The following STK39 variants were observed in gnomAD, a reference collection of about 807,000 sequenced individuals.
The protein encoded by STK39 is serine/threonine kinase 39, also known as STE20/SPS1-related proline-alanine-rich protein kinase.
Under a neutral mutation model 77.8 loss-of-function variants are expected in STK39, and 20 were observed. That is an observed-to-expected ratio of 0.26 (90% CI 0.18 to 0.37). The LOEUF is 0.37. STK39 is among the 10% of genes least tolerant of loss of function. The pLI is 1.00. For missense variants in STK39, 479 were observed against 656.5 expected (o/e 0.73, Z 2.95); for synonymous variants, 246 against 234.1 (o/e 1.05, Z -0.47).
intron 16 of STK39, among the ~76,000 whole-genome samples, chr2:167,994,918 T>C (rs749860682): frequency 5.3e-5 from 8 of 151,896 alleles, no homozygotes; most frequent in Non-Finnish European, 1.0e-4. Flanking sequence ...AGAATAACAG[T>C]AAATTGGGTA....
intron 1 of STK39, among the ~76,000 whole-genome samples, chr2:168,224,040 T>C (rs1176906505): frequency 6.6e-6 from 1 of 152,238 alleles, no homozygotes; most frequent in Admixed American, 6.5e-5. Context: ...AACACACAAA[T>C]ATATCTTTTG....
intron 16 of STK39, among the ~76,000 whole-genome samples, chr2:167,983,944 C>T (rs9287889): frequency 0.55 from 84,252 of 151,912 alleles, 24,633 homozygotes; most frequent in African/African-American, 0.67. Context: ...CATTTTATCA[C>T]GAGAAAGCTT....
chr2:168,099,637 T>C (rs560723642), intron 10 of STK39, among the ~76,000 whole-genome samples: 55 of 152,348 alleles, frequency 3.6e-4, no homozygotes, highest in African/African-American at 1.2e-3. Context: ...ATTCATACAC[T>C]TCTTAACACC....
At chr2:168,053,062 G>A (rs1378331299) in intron 14 of STK39, among the ~76,000 whole-genome samples, 1 of 152,230 alleles carries the variant, frequency 6.6e-6, no homozygotes, top group Non-Finnish European at 1.5e-5. Flanking sequence ...AAGTCTAAGA[G>A]CATTTCACTA....
At chr2:168,009,974 TG>T (rs933105157) in intron 16 of STK39, among the ~76,000 whole-genome samples, 90 of 152,262 alleles carry the variant, frequency 5.9e-4, no homozygotes, top group African/African-American at 2.1e-3. Flanking sequence ...TAGCTGAGCC[TG>T]GGGCAAAAAA....
At chr2:167,995,032 T>C (rs1450017591) in intron 16 of STK39, among the ~76,000 whole-genome samples, 2 of 151,754 alleles carry the variant, frequency 1.3e-5, no homozygotes, top group Non-Finnish European at 2.9e-5. Flanking sequence ...AAGTCTACAG[T>C]ATTTTACACT....
chr2:168,242,596 T>TATATATATATATATATATAA (rs1690796732), intron 1 of STK39, among the ~76,000 whole-genome samples: 2 of 95,816 alleles, frequency 2.1e-5, no homozygotes, highest in African/African-American at 8.1e-5. Context: ...TATATATATA[T>TATATATATATATATATATAA]AAAGAGGCCA....
intron 14 of STK39, among the ~76,000 whole-genome samples, chr2:168,019,494 G>A (rs55900907): frequency 0.5 from 75,685 of 151,904 alleles, 19,697 homozygotes; most frequent in Admixed American, 0.56. Flanking sequence ...GTTTTGAAAC[G>A]TACCCTTGCG....
intron 5 of STK39, among the ~76,000 whole-genome samples, chr2:168,144,581 T>C (rs909201489): frequency 3.9e-5 from 6 of 152,112 alleles, no homozygotes; most frequent in Non-Finnish European, 8.8e-5. Context: ...GCTGGAATTA[T>C]AAGCATGAGC....
At position 167,954,392 on chromosome 2, in the gene STK39, C is replaced by T. The variant is rs148979902; in HGVS notation, c.*1104G>A. ...AGTATTGATTCTTGAACCTTAACAG[C>T]GTTTTACCTTTTAGTCATTGCACAA... is the stretch of plus-strand genomic sequence containing the variant. On this transcript the variant is annotated 3_prime_UTR_variant, in exon 18 of 18. Transcript: ENST00000355999. 6 of 152,696 alleles carry T rather than the reference C, an allele frequency of 3.9e-5. No individual in the cohort carries two copies. The East Asian group carries it at 9.6e-4, about 25-fold the overall frequency. The allele number at this position is 152,696 out of a possible 1,614,324, so 9.5% of individuals were successfully genotyped here.
intron 1 of STK39, among the ~76,000 whole-genome samples, chr2:168,244,730 C>T (rs1016828565): frequency 1.3e-5 from 2 of 152,184 alleles, no homozygotes; most frequent in African/African-American, 4.8e-5. Flanking sequence ...AATAACAGGG[C>T]CTCCACACAG....
At chr2:168,070,457 TA>T (rs1685910129) in intron 12 of STK39, among the ~76,000 whole-genome samples, 1 of 151,480 alleles carries the variant, frequency 6.6e-6, no homozygotes, top group Non-Finnish European at 1.5e-5. Flanking sequence ...TTTTTTTTTT[TA>T]ATTATACTTT....
chr2:168,141,009 T>C (rs1013736157), intron 5 of STK39, among the ~76,000 whole-genome samples: 5 of 152,114 alleles, frequency 3.3e-5, no homozygotes, highest in Admixed American at 6.5e-5. Context: ...AAATTAAATA[T>C]AAAGGGTGTT....
chr2:168,133,464 C>T (rs1687752343), intron 8 of STK39, among the ~76,000 whole-genome samples: 1 of 152,204 alleles, frequency 6.6e-6, no homozygotes, highest in Non-Finnish European at 1.5e-5. Flanking sequence ...TTAGAGGTTT[C>T]TCTTTGCTCA....
chr2:168,113,653 G>T (rs13007593), intron 10 of STK39, among the ~76,000 whole-genome samples: 1 of 151,986 alleles, frequency 6.6e-6, no homozygotes, highest in South Asian at 2.1e-4. Context: ...TCTCCAACAA[G>T]GAGACAAGAC....
chr2:168,136,613 T>C (rs1386664299), intron 8 of STK39, among the ~76,000 whole-genome samples: 1 of 152,174 alleles, frequency 6.6e-6, no homozygotes, highest in African/African-American at 2.4e-5. Flanking sequence ...AGACCATCTA[T>C]AATAACCTAG....
intron 14 of STK39, among the ~76,000 whole-genome samples, chr2:168,036,595 C>T (rs978004872): frequency 1.6e-4 from 25 of 152,150 alleles, no homozygotes; most frequent in African/African-American, 5.8e-4. Flanking sequence ...TTTTAAAGGT[C>T]GAAGGCAACA....
chr2:168,159,996 G>C (rs1306367567), intron 5 of STK39, among the ~76,000 whole-genome samples: 1 of 152,166 alleles, frequency 6.6e-6, no homozygotes, highest in East Asian at 1.9e-4. Context: ...AAAACCCAAA[G>C]GCCTGTGATG....
Position 167,955,544 on chromosome 2 carries a change from A to T in STK39, c.1590T>A (p.Ile530=), listed in dbSNP as rs770192649. Residue 530 remains isoleucine (I), a synonymous_variant, in exon 18 of 18, where the codon ATT becomes ATA. Coordinates refer to ENST00000355999, the MANE Select transcript of STK39 (RefSeq NM_013233.3). The stretch of plus-strand genomic sequence containing the variant: ...ACCCAATCAGCTTCACTTCATCAGG[A>T]ATCTCCGACCCATCACAGCCAGAAG... ...KLASGCDGSE[I]PDEVKLIGFA... 6.2e-7 allele frequency: 1 copy of T among 1,613,902 alleles called. No homozygotes were observed. Among genetic ancestry groups the T allele is most frequent in the Admixed American group, 1.7e-5 (1 of 59,998 alleles).
Sources: gnomAD v4.1 joint callset for allele counts (sites outside exome capture counted in the v4.1 genomes callset) on GRCh38, gnomAD v4.1.1 for gene constraint, MANE v1.5 for transcripts, NCBI Gene and HGNC (gene_info 2026-07-23, HGNC 2026-07-21) for gene names.